PAK4: variants seen among roughly 807,000 people sequenced by gnomAD.
The protein encoded by PAK4 is p21 (RAC1) activated kinase 4.
In PAK4, 49 loss-of-function variants were observed where a neutral mutation model predicts 53.5. The ratio of observed to expected loss-of-function variants is 0.92; its 90% CI spans 0.73 to 1.16. PAK4 has a LOEUF of 1.16. Ranked by LOEUF, PAK4 falls within the 50% of genes most tolerant of loss-of-function variation. PAK4 has a pLI of 0.00. For missense variants in PAK4, 824 were observed against 850.7 expected, an observed-to-expected ratio of 0.97 and a Z score of 0.39; for synonymous variants, 376 against 375.6, an observed-to-expected ratio of 1.00 and a Z score of -0.01.
chr19:39,180,025 A>G (rs2074684390), downstream of PAK4: 1 of 152,290 alleles, frequency 6.6e-6, no homozygotes, highest in Admixed American at 6.5e-5. Flanking sequence ...TGGAGTGGGG[A>G]GAGAGCCAGG....
At position 39,173,992 on chromosome 19, in the gene PAK4, C is replaced by T. The variant is rs1014492514; in HGVS notation, c.1080C>T (p.Arg360=). Residue 360 remains arginine, a synonymous_variant, in exon 4 of 9, where the codon CGC becomes CGT. Coordinates refer to ENST00000358301, the Ensembl canonical transcript of PAK4. The surrounding 1 kb of genome is among the most constrained non-coding windows in gnomAD (Gnocchi z 6.9). The stretch of plus-strand genomic sequence containing the variant: ...TGGACCTGCGCAAGCAGCAGAGGCG[C>T]GAGCTGCTCTTCAACGAGGTGCGGG... The T allele has an allele frequency of 2.3e-5, 36 of 1,599,522 alleles. No individual in the cohort carries two copies. Among genetic ancestry groups the T allele is most frequent in the Non-Finnish European group, 2.6e-5 (31 of 1,175,312 alleles).
At position 39,175,731 on chromosome 19, in the gene PAK4, C is replaced by T. The variant is rs1337363252; in HGVS notation, c.1359+293C>T. Among the ~76,000 whole-genome samples, 2 of 152,210 alleles carry T rather than the reference C, an allele frequency of 1.3e-5. No homozygotes were observed. The highest frequency in any genetic ancestry group is 2.9e-5 in the Non-Finnish European group (2 of 68,038). ...CGCAGCCCCCGCCACAGGCTTCTTC[C>T]TCCACTGAAAAGCTGCTCCCTGCCC... On this transcript the variant is annotated intron_variant, in intron 6 of 8. Coordinates refer to ENST00000358301, the Ensembl canonical transcript of PAK4. The surrounding 1 kb of genome is among the most constrained non-coding windows in gnomAD (Gnocchi z 4.7).
At chr19:39,172,883 G>T in intron 2 of PAK4, 35 bp from the exon 4 acceptor site, 2 of 1,492,196 alleles carry the variant, frequency 1.3e-6, no homozygotes, top group African/African-American at 1.4e-5. Flanking sequence ...CCCACTCCTT[G>T]CTGGGCCCCC....
chr19:39,139,293 T>C (rs2073872167), intron 1 of PAK4, among the ~76,000 whole-genome samples: 1 of 152,214 alleles, frequency 6.6e-6, no homozygotes, highest in South Asian at 2.1e-4. Flanking sequence ...ATCATGGTTG[T>C]TCATCTGCTG....
intron 1 of PAK4, among the ~76,000 whole-genome samples, chr19:39,145,338 G>A (rs775320903): frequency 3.9e-5 from 6 of 152,218 alleles, no homozygotes; most frequent in Non-Finnish European, 8.8e-5. Context: ...AATGGTACGA[G>A]GCCAGCGGCA....
intron 1 of PAK4, among the ~76,000 whole-genome samples, chr19:39,169,042 A>C (rs1018360855): frequency 6.6e-6 from 1 of 152,148 alleles, no homozygotes; most frequent in Admixed American, 6.5e-5. Context: ...AGAAGGAACA[A>C]CAAACAGGAT....
At position 39,169,670 on chromosome 19, in the gene PAK4, G is replaced by A; in HGVS notation, c.117G>A (p.Trp39Ter). The change falls in exon 2 of 9, where the codon TGG becomes TGA. Residue 39 changes from tryptophan to a stop codon, truncating the protein, a stop_gained. Transcript: ENST00000358301. LOFTEE classifies it high-confidence loss of function. ...AGTTCACGGGGCTGCCCCGCCAGTG[G>A]CAGAGCCTGATCGAGGAGTCGGCTC... 1 of 1,613,398 alleles carries A rather than the reference G, an allele frequency of 6.2e-7. No homozygotes were observed. The highest frequency in any genetic ancestry group is 1.1e-5 in the South Asian group (1 of 91,072).
At chr19:39,155,238 C>G (rs1198907112) in intron 1 of PAK4, among the ~76,000 whole-genome samples, 1 of 152,154 alleles carries the variant, frequency 6.6e-6, no homozygotes, top group East Asian at 1.9e-4. Flanking sequence ...TGTCAACTCC[C>G]GTGGGCAGGA....
chr19:39,150,692 C>G (rs988353798), intron 1 of PAK4, among the ~76,000 whole-genome samples: 5 of 152,096 alleles, frequency 3.3e-5, no homozygotes, highest in African/African-American at 1.2e-4. Flanking sequence ...GAGTTCAAGA[C>G]CAGCCTGGAC....
chr19:39,133,992 C>A (rs969932071), intron 1 of PAK4, among the ~76,000 whole-genome samples: 1 of 152,148 alleles, frequency 6.6e-6, no homozygotes, highest in African/African-American at 2.4e-5. Flanking sequence ...ACAGACCCGT[C>A]CCCAGGTGAA....
At chr19:39,126,732 A>C (rs942465507) in intron 1 of PAK4, among the ~76,000 whole-genome samples, 11 of 152,100 alleles carry the variant, frequency 7.2e-5, no homozygotes, top group African/African-American at 2.7e-4. Flanking sequence ...ACCGCCTCTC[A>C]AATCATCATA....
In PAK4 at chr19:39,176,760, G is replaced by A. The variant is rs368768521; in HGVS notation, c.1485+45G>A. 91 of 1,590,480 alleles carry A rather than the reference G, an allele frequency of 5.7e-5. No homozygotes were observed. The East Asian group carries it at 6.9e-4, about 12-fold the overall frequency. On this transcript the variant is annotated intron_variant, in intron 7 of 8. Coordinates refer to ENST00000358301, the Ensembl canonical transcript of PAK4. ...GGTTGTCCCGCCGTGGACAGCGTACGCTGCCATTTTCCAGCTGCAGCGCTG... is the reference window on the plus strand; with the variant it reads ...GGTTGTCCCGCCGTGGACAGCGTACACTGCCATTTTCCAGCTGCAGCGCTG...
chr19:39,176,744 G>A lies in PAK4; in HGVS notation c.1485+29G>A, dbSNP rs372021788. 240 of 1,601,886 alleles carry A rather than the reference G, an allele frequency of 1.5e-4. 1 individual carries two copies. The highest frequency in any genetic ancestry group is 1.9e-4 in the Non-Finnish European group (223 of 1,178,420). On this transcript the variant is annotated intron_variant, in intron 7 of 8. Transcript: ENST00000358301. Reference sequence around the variant, plus strand: ...AGCCCCGGGGTGGCTTGGTTGTCCCGCCGTGGACAGCGTACGCTGCCATTT... The same window carrying A: ...AGCCCCGGGGTGGCTTGGTTGTCCCACCGTGGACAGCGTACGCTGCCATTT...
At chr19:39,182,360 C>G (rs769813992), downstream of PAK4, 2 of 152,224 alleles carry the variant, frequency 1.3e-5, no homozygotes, top group Non-Finnish European at 2.9e-5. Flanking sequence ...TTGTGTGTGT[C>G]TAACACAAAT....
chr19:39,143,395 A>G (rs575494609), intron 1 of PAK4, among the ~76,000 whole-genome samples: 37 of 151,430 alleles, frequency 2.4e-4, no homozygotes, highest in Admixed American at 1.2e-3. Flanking sequence ...GTTCGAGACG[A>G]GCCTGGCCAA....
chr19:39,133,495 A>T (rs528957328), intron 1 of PAK4, among the ~76,000 whole-genome samples: 344 of 152,266 alleles, frequency 2.3e-3, no homozygotes, highest in Non-Finnish European at 3.9e-3. Context: ...CCCGTCACAG[A>T]GCAAGAGGAA....
chr19:39,138,299 C>T (rs374800107), intron 1 of PAK4, among the ~76,000 whole-genome samples: 82 of 152,182 alleles, frequency 5.4e-4, no homozygotes, highest in African/African-American at 1.9e-3. Context: ...GCCAGCTGCC[C>T]GCCTCAGCCT....
downstream of PAK4, chr19:39,179,836 C>G (rs1371099879): frequency 6.6e-6 from 1 of 152,292 alleles, no homozygotes; most frequent in Non-Finnish European, 1.5e-5. Context: ...TTCGGAGAGA[C>G]ACCCTGTGAA....
intron 1 of PAK4, among the ~76,000 whole-genome samples, chr19:39,140,955 T>TA (rs1383265042): frequency 6.6e-6 from 1 of 152,182 alleles, no homozygotes; most frequent in African/African-American, 2.4e-5. Flanking sequence ...GTACTCTTAT[T>TA]ACCATTACAC....
Sources: gnomAD v4.1 joint callset for allele counts (sites outside exome capture counted in the v4.1 genomes callset) on GRCh38, gnomAD v4.1.1 for gene constraint, Gnocchi (gnomAD v3.1) non-coding constraint, MANE v1.5 for transcripts, NCBI Gene and HGNC (gene_info 2026-07-23, HGNC 2026-07-21) for gene names.